Variants in DIAPH1 observed in about 807,000 individuals in gnomAD.
DIAPH1 encodes protein diaphanous homolog 1.
DIAPH1 carries 46 observed loss-of-function variants against 140.7 expected under a neutral mutation model. The ratio of observed to expected loss-of-function variants is 0.33; its 90% CI spans 0.26 to 0.42. The LOEUF is 0.42. Ranked by LOEUF, DIAPH1 falls within the 10% of genes least tolerant of loss-of-function variation. The pLI, the probability that DIAPH1 is intolerant of heterozygous loss-of-function variation, is 1.00. For synonymous variants in DIAPH1, 565 were observed against 551.6 expected, an observed-to-expected ratio of 1.02 and a Z score of -0.34; for missense variants, 1,310 against 1,558.7, an observed-to-expected ratio of 0.84 and a Z score of 2.69.
Position 141,572,125 on chromosome 5 carries a change from G to A in DIAPH1, c.2359-85C>T, listed in dbSNP as rs930595939. ...GAAAACGGATGAGGCTGTAAAATAG[G>A]TGGCTGGCTGATTATCAGCAATGTC... On this transcript the variant is annotated intron_variant, in intron 16 of 27. Transcript: ENST00000389054. 4 of 929,666 alleles carry A rather than the reference G, an allele frequency of 4.3e-6. No homozygotes were observed. In the African/African-American group the frequency reaches 6.5e-5, roughly 15 times the overall value. 57.6% of individuals were successfully genotyped at this position (929,666 alleles called of 1,614,324 possible).
intron 14 of DIAPH1, among the ~76,000 whole-genome samples, chr5:141,575,839 G>A (rs552084155): frequency 1.3e-5 from 2 of 151,980 alleles, no homozygotes; most frequent in Non-Finnish European, 2.9e-5. Flanking sequence ...CACAATAAAC[G>A]TTCTTAAAAA....
chr5:141,552,594 T>C (rs919672972), intron 18 of DIAPH1, among the ~76,000 whole-genome samples: 1 of 152,222 alleles, frequency 6.6e-6, no homozygotes, highest in Non-Finnish European at 1.5e-5. Flanking sequence ...ATTTTAGAAA[T>C]TCTGGCCTCC....
intron 7 of DIAPH1, 165 bp downstream of exon 7, chr5:141,582,147 A>G (rs1025696392): frequency 1.6e-6 from 1 of 619,084 alleles, no homozygotes; most frequent in African/African-American, 1.9e-5. Context: ...AGAAAAAAAT[A>G]TCCACAGAAG....
At chr5:141,577,152 G>A (rs959749634) in intron 12 of DIAPH1, among the ~76,000 whole-genome samples, 1 of 152,150 alleles carries the variant, frequency 6.6e-6, no homozygotes, top group African/African-American at 2.4e-5. Context: ...GATGGATAGT[G>A]CTATTGCTAA....
At chr5:141,574,867 G>C (rs2099895729) in intron 15 of DIAPH1, 100 bp downstream of exon 15, 1 of 1,310,194 alleles carries the variant, frequency 7.6e-7, no homozygotes, top group Admixed American at 1.7e-5. Flanking sequence ...TTACCTATTA[G>C]TAGCTGAACC....
chr5:141,543,076 CA>C lies in DIAPH1; in HGVS notation c.2483-8644del, dbSNP rs537180742. ...TTGGTACTTCATCTCAGTTTAGTTA[CA>C]AAAAAAAAAAAAGAAAATGTTCATA... On this transcript the variant is annotated intron_variant, in intron 18 of 27. Coordinates refer to ENST00000389054, the MANE Select transcript of DIAPH1 (RefSeq NM_005219.5). 8.0e-3 allele frequency among the ~76,000 whole-genome samples: 832 copies of C among 103,940 alleles called. 4 individuals carry two copies. Among genetic ancestry groups the C allele is most frequent in the African/African-American group, 0.025 (641 of 25,926 alleles). 68.2% of individuals were successfully genotyped at this position (103,940 alleles called of 152,430 possible). A position where few individuals can be genotyped will look rare whatever the true frequency, so the allele number is the denominator to read the frequency against.
At chr5:141,592,243 C>A (rs1176943257) in intron 1 of DIAPH1, among the ~76,000 whole-genome samples, 1 of 151,966 alleles carries the variant, frequency 6.6e-6, no homozygotes, top group Non-Finnish European at 1.5e-5. Flanking sequence ...TGAATCACAG[C>A]CCAGTCAGTA....
chr5:141,577,206 T>G (rs1325196291), intron 12 of DIAPH1, among the ~76,000 whole-genome samples: 2 of 152,236 alleles, frequency 1.3e-5, no homozygotes, highest in Non-Finnish European at 2.9e-5. Context: ...AATTGCCACT[T>G]CTGTTTGCTA....
At chr5:141,518,983 G>T in intron 27 of DIAPH1, 1 of 1,550,602 alleles carries the variant, frequency 6.4e-7, no homozygotes, top group South Asian at 1.2e-5. Flanking sequence ...CTTCCCAGGG[G>T]CACAAGAGGT....
chr5:141,525,882 G>A (rs1387092928), intron 26 of DIAPH1, among the ~76,000 whole-genome samples, 156 bp downstream of exon 26: 1 of 152,126 alleles, frequency 6.6e-6, no homozygotes, highest in Non-Finnish European at 1.5e-5. Flanking sequence ...TATCAGAATT[G>A]GGGTTAAAGT....
chr5:141,615,479 C>T (rs193046228), intron 1 of DIAPH1, among the ~76,000 whole-genome samples: 2 of 150,502 alleles, frequency 1.3e-5, no homozygotes, highest in African/African-American at 2.4e-5. Flanking sequence ...CGGTGGCTCA[C>T]GCCTGTAATC....
chr5:141,574,895 G>T, intron 15 of DIAPH1, 72 bp downstream of exon 15: 1 of 1,534,352 alleles, frequency 6.5e-7, no homozygotes, highest in South Asian at 1.1e-5. Context: ...GGAGCGAGAT[G>T]ACTGACTCCT....
chr5:141,548,467 A>G (rs2099891168), intron 18 of DIAPH1, among the ~76,000 whole-genome samples: 1 of 152,194 alleles, frequency 6.6e-6, no homozygotes, highest in Non-Finnish European at 1.5e-5. Flanking sequence ...AAACACTAGA[A>G]AGGTGTTTCT....
intron 21 of DIAPH1, 34 bp from the exon 22 acceptor site, chr5:141,528,975 A>G: frequency 6.2e-7 from 1 of 1,613,658 alleles, no homozygotes; most frequent in East Asian, 2.2e-5. Flanking sequence ...CATTACAGTC[A>G]AAAGAGGGGG....
chr5:141,528,681 T>C, intron 22 of DIAPH1, 21 bp downstream of exon 22: 1 of 1,614,244 alleles, frequency 6.2e-7, no homozygotes. Context: ...TGTGTTGTCC[T>C]GCCCTACCTC....
At chr5:141,555,857 T>G (rs2154595753) in intron 18 of DIAPH1, among the ~76,000 whole-genome samples, 1 of 152,354 alleles carries the variant, frequency 6.6e-6, no homozygotes, top group East Asian at 1.9e-4. Context: ...CAGCAGATTC[T>G]AAACCTTTTG....
At position 141,553,141 on chromosome 5, in the gene DIAPH1, A is replaced by C. The variant is rs201191434; in HGVS notation, c.2482+18287T>G. Among the ~76,000 whole-genome samples the C allele has an allele frequency of 5.8e-4, 89 of 152,188 alleles. 1 individual carries two copies. In the East Asian group the frequency reaches 0.017, roughly 29 times the overall value. On this transcript the variant is annotated intron_variant, in intron 18 of 27. Coordinates refer to ENST00000389054, the MANE Select transcript of DIAPH1 (RefSeq NM_005219.5). ...ACCCTGTCTCTACTAAAGATACAAAAATTAGCTGGGTGTCATGGCACACGC... is the reference window on the plus strand; with the variant it reads ...ACCCTGTCTCTACTAAAGATACAAACATTAGCTGGGTGTCATGGCACACGC...
chr5:141,592,289 A>T (rs10053313), intron 1 of DIAPH1, among the ~76,000 whole-genome samples: 1 of 152,020 alleles, frequency 6.6e-6, no homozygotes, highest in African/African-American at 2.4e-5. Context: ...TACAACACTC[A>T]AACAGCAAGC....
rs1024910053 is a variant in DIAPH1, at chr5:141,602,627, G to A, written c.118-14377C>T. On this transcript the variant is annotated intron_variant, in intron 1 of 27. Transcript: ENST00000389054. ...TCTCTAGGGTTCTGTTGTCTCAGAGGACTAGTATGAAGAATAAATAATAAA... is the reference window on the plus strand; with the variant it reads ...TCTCTAGGGTTCTGTTGTCTCAGAGAACTAGTATGAAGAATAAATAATAAA... 2.6e-5 allele frequency among the ~76,000 whole-genome samples: 4 copies of A among 152,142 alleles called. No homozygotes were observed. The South Asian group carries it at 6.2e-4, about 24-fold the overall frequency.
Sources: gnomAD v4.1 joint callset for allele counts (sites outside exome capture counted in the v4.1 genomes callset) on GRCh38, gnomAD v4.1.1 for gene constraint, MANE v1.5 for transcripts, NCBI Gene and HGNC (gene_info 2026-07-23, HGNC 2026-07-21) for gene names.